The following TAFA1 variants were observed in gnomAD, a reference collection of about 807,000 sequenced individuals.
TAFA1 encodes the protein TAFA chemokine like family member 1.
TAFA1 carries 4 observed loss-of-function variants against 18.5 expected under a neutral mutation model. The observed-to-expected ratio is 0.22, with a 90% CI of 0.11 to 0.49. The LOEUF (loss-of-function observed/expected upper bound fraction) is 0.49, where lower values mean the gene tolerates loss of function less well. TAFA1 is among the 20% of genes least tolerant of loss of function. The pLI is 0.98. For missense variants in TAFA1, 147 were observed against 169.0 expected (o/e 0.87, Z 0.72); for synonymous variants, 56 against 55.2 (o/e 1.01, Z -0.06).
intron 3 of TAFA1, among the ~76,000 whole-genome samples, chr3:68,448,646 G>T (rs1462413036): frequency 5.3e-5 from 8 of 152,004 alleles, no homozygotes; most frequent in Non-Finnish European, 8.8e-5. Context: ...GACCCTGTGG[G>T]TCTATCCACT....
At chr3:68,022,840 TATTA>T (rs1181992079) in intron 2 of TAFA1, among the ~76,000 whole-genome samples, 4,087 of 23,458 alleles carry the variant, frequency 0.17, 79 homozygotes, top group East Asian at 0.31. Context: ...AATATATATA[TATTA>T]TATATATATA....
chr3:68,269,620 G>C (rs949530355), intron 2 of TAFA1, among the ~76,000 whole-genome samples: 2 of 152,008 alleles, frequency 1.3e-5, no homozygotes, highest in Admixed American at 1.3e-4. Flanking sequence ...TTTCCAGTGG[G>C]ATTAGAGATA....
At chr3:68,280,601 A>G (rs997688910) in intron 2 of TAFA1, among the ~76,000 whole-genome samples, 1 of 151,838 alleles carries the variant, frequency 6.6e-6, no homozygotes, top group Non-Finnish European at 1.5e-5. Flanking sequence ...TTGACCATGC[A>G]TTGAGTGGAC....
chr3:68,262,659 C>T (rs919366870), intron 2 of TAFA1, among the ~76,000 whole-genome samples: 12 of 152,048 alleles, frequency 7.9e-5, no homozygotes, highest in African/African-American at 2.7e-4. Flanking sequence ...ATATGTACCA[C>T]ATTTTCTTTA....
At chr3:68,212,122 T>G (rs2066604726) in intron 2 of TAFA1, among the ~76,000 whole-genome samples, 1 of 151,774 alleles carries the variant, frequency 6.6e-6, no homozygotes, top group Non-Finnish European at 1.5e-5. Context: ...AGACAGCATT[T>G]GACTCAAGAA....
At chr3:68,535,936 G>T (rs535519320) in intron 3 of TAFA1, among the ~76,000 whole-genome samples, 3 of 152,142 alleles carry the variant, frequency 2.0e-5, no homozygotes, top group Non-Finnish European at 4.4e-5. Context: ...CATGGGATAT[G>T]GTGTCCACTG....
At position 68,244,402 on chromosome 3, in the gene TAFA1, C is replaced by A. The variant is rs2067039598; in HGVS notation, c.119-172878C>A. On this transcript the variant is annotated intron_variant, in intron 2 of 4. Transcript: ENST00000478136. ...GTGTTTTATCTTTTAGATTTATGAC[C>A]ATGATCCATTTTAGTTAATTTTCCT... Among the ~76,000 whole-genome samples, 2 of 151,944 alleles carry A rather than the reference C, an allele frequency of 1.3e-5. 1 individual carries two copies. Among genetic ancestry groups the A allele is most frequent in the South Asian group, 4.2e-4 (2 of 4,818 alleles).
At chr3:68,195,321 C>T (rs1450847131) in intron 2 of TAFA1, among the ~76,000 whole-genome samples, 1 of 148,318 alleles carries the variant, frequency 6.7e-6, no homozygotes, top group Non-Finnish European at 1.5e-5. Flanking sequence ...CTTTACACTA[C>T]CCCTACCCCT....
chr3:68,363,705 C>T (rs1204724915), intron 2 of TAFA1, among the ~76,000 whole-genome samples: 2 of 152,070 alleles, frequency 1.3e-5, no homozygotes, highest in African/African-American at 2.4e-5. Flanking sequence ...AGACTCATCC[C>T]GGTTCTTTTT....
chr3:68,058,435 A>G (rs2064561666), intron 2 of TAFA1, among the ~76,000 whole-genome samples: 1 of 152,174 alleles, frequency 6.6e-6, no homozygotes, highest in Non-Finnish European at 1.5e-5. Context: ...GTTCTCACAT[A>G]TGGGTGTTTA....
At chr3:68,505,324 C>T (rs1200718952) in intron 3 of TAFA1, among the ~76,000 whole-genome samples, 3 of 152,158 alleles carry the variant, frequency 2.0e-5, no homozygotes, top group Non-Finnish European at 4.4e-5. Context: ...TTCTCTTACA[C>T]TCACTGGCAT....
At chr3:68,449,021 C>T (rs909368994) in intron 3 of TAFA1, among the ~76,000 whole-genome samples, 1 of 152,136 alleles carries the variant, frequency 6.6e-6, no homozygotes. Flanking sequence ...TCATTGGCTG[C>T]CTACTGTGTG....
In TAFA1 at chr3:68,370,506, A is replaced by ATATATATATG. The variant is rs2069682640; in HGVS notation, c.119-46765_119-46764insGTATATATAT. 3.6e-4 allele frequency among the ~76,000 whole-genome samples: 27 copies of ATATATATATG among 75,104 alleles called. 1 individual carries two copies. The highest frequency in any genetic ancestry group is 5.2e-4 in the African/African-American group (11 of 21,252). 49.3% of individuals were successfully genotyped at this position (75,104 alleles called of 152,430 possible). A position where few individuals can be genotyped will look rare whatever the true frequency, so the allele number is the denominator to read the frequency against. ...TATATATATATATATATATATATAT[A>ATATATATATG]TATATATATACCCACATATGTATTT... On this transcript the variant is annotated intron_variant, in intron 2 of 4. Transcript: ENST00000478136.
At chr3:68,085,858 G>C (rs886260927) in intron 2 of TAFA1, among the ~76,000 whole-genome samples, 1 of 152,128 alleles carries the variant, frequency 6.6e-6, no homozygotes, top group Non-Finnish European at 1.5e-5. Context: ...TCTTTCCACA[G>C]TTCATGTAGT....
At position 68,126,259 on chromosome 3, in the gene TAFA1, C is replaced by T. The variant is rs953874103; in HGVS notation, c.118+119515C>T. 3.3e-5 allele frequency among the ~76,000 whole-genome samples: 5 copies of T among 152,282 alleles called. No homozygotes were observed. The South Asian group carries it at 1.0e-3, about 32-fold the overall frequency. The stretch of plus-strand genomic sequence containing the variant: ...GTGCCTACCACAGCATCTGGCCACC[C>T]GTAAGCATTGGCAAATGCTAGCTGA... On this transcript the variant is annotated intron_variant, in intron 2 of 4. Coordinates refer to ENST00000478136, the MANE Select transcript of TAFA1 (RefSeq NM_213609.4).
rs187849867 is a variant in TAFA1, at chr3:68,100,202, A to G, written c.118+93458A>G. ...ACCCAAAAGCTATAAACATGTAGAAAGGTCAGGCACAGTGGTTCATGCCTG... is the reference window on the plus strand; with the variant it reads ...ACCCAAAAGCTATAAACATGTAGAAGGGTCAGGCACAGTGGTTCATGCCTG... On this transcript the variant is annotated intron_variant, in intron 2 of 4. Transcript: ENST00000478136. Among the ~76,000 whole-genome samples, 4 of 152,294 alleles carry G rather than the reference A, an allele frequency of 2.6e-5. No individual in the cohort carries two copies. In the East Asian group the frequency reaches 7.7e-4, roughly 29 times the overall value.
At chr3:68,047,901 C>T (rs1257792229) in intron 2 of TAFA1, among the ~76,000 whole-genome samples, 1 of 152,156 alleles carries the variant, frequency 6.6e-6, no homozygotes, top group Non-Finnish European at 1.5e-5. Context: ...GACTCAATCA[C>T]TGCAAGGGCC....
At chr3:68,026,777 A>G (rs1704825887) in intron 2 of TAFA1, among the ~76,000 whole-genome samples, 1 of 152,182 alleles carries the variant, frequency 6.6e-6, no homozygotes, top group Non-Finnish European at 1.5e-5. Flanking sequence ...TTGTTTCTGA[A>G]AAAGAGTACA....
chr3:68,143,097 A>G (rs1040332933), intron 2 of TAFA1, among the ~76,000 whole-genome samples: 2 of 152,194 alleles, frequency 1.3e-5, no homozygotes, highest in Non-Finnish European at 2.9e-5. Context: ...TCAAGTACAT[A>G]TTCCTTATTT....
Sources: gnomAD v4.1 joint callset for allele counts (sites outside exome capture counted in the v4.1 genomes callset) on GRCh38, gnomAD v4.1.1 for gene constraint, MANE v1.5 for transcripts, NCBI Gene and HGNC (gene_info 2026-07-23, HGNC 2026-07-21) for gene names.